Variants in SNX13 observed in about 807,000 individuals in gnomAD.
The protein encoded by SNX13 is sorting nexin 13.
In SNX13, 45 loss-of-function variants were observed where a neutral mutation model predicts 133.6. The observed-to-expected ratio is 0.34, with a 90% CI of 0.27 to 0.43. SNX13 has a LOEUF of 0.43. Ranked by LOEUF, SNX13 falls within the 20% of genes least tolerant of loss-of-function variation. SNX13 has a pLI of 1.00. For synonymous variants in SNX13, 414 were observed against 373.9 expected (o/e 1.11, Z -1.24); for missense variants, 1,032 against 1,145.1 (o/e 0.90, Z 1.43).
rs1253403274 is a variant in SNX13 at position 17,888,012 on chromosome 7, T to C, written c.440+2351A>G. The C allele has an allele frequency of 2.6e-5, 4 of 152,284 alleles. No individual in the cohort carries two copies. The East Asian group carries it at 7.7e-4, about 29-fold the overall frequency. The allele number at this position is 152,284 out of a possible 1,614,324, so 9.4% of individuals were successfully genotyped here. On this transcript the variant is annotated intron_variant, in intron 5 of 25. Coordinates refer to ENST00000428135, the MANE Select transcript of SNX13 (RefSeq NM_015132.5). ...ACAGAATAAGGCTTTCTGAAGTATA[T>C]GAATGATTGTAAACAGACTAATCTT...
At chr7:17,840,956 C>G (rs1789797523) in intron 12 of SNX13, among the ~76,000 whole-genome samples, 1 of 151,984 alleles carries the variant, frequency 6.6e-6, no homozygotes, top group African/African-American at 2.4e-5. Context: ...TCAGTCCATT[C>G]CAGCTCTTAG....
At chr7:17,835,324 C>G (rs989256193) in intron 13 of SNX13, among the ~76,000 whole-genome samples, 1 of 151,804 alleles carries the variant, frequency 6.6e-6, no homozygotes, top group Non-Finnish European at 1.5e-5. Context: ...TAAGCCATTT[C>G]ATTTATTATT....
intron 20 of SNX13, among the ~76,000 whole-genome samples, chr7:17,806,265 CCTGT>C (rs1356405267): frequency 5.3e-5 from 8 of 152,280 alleles, no homozygotes; most frequent in Middle Eastern, 3.4e-3. Flanking sequence ...AGAAAGGCTA[CCTGT>C]CTGTTACTTT....
intron 11 of SNX13, among the ~76,000 whole-genome samples, chr7:17,846,721 GA>G: frequency 6.6e-6 from 1 of 152,078 alleles, no homozygotes; most frequent in South Asian, 2.1e-4. Flanking sequence ...TGTAAGTACT[GA>G]ATAATAACAG....
chr7:17,829,878 C>T (rs1788286739), intron 16 of SNX13, 132 bp downstream of exon 16: 2 of 517,046 alleles, frequency 3.9e-6, no homozygotes, highest in East Asian at 3.4e-5. Flanking sequence ...TCTTTAAAAG[C>T]ATAATAACTT....
At chr7:17,859,634 T>C (rs145992328) in intron 9 of SNX13, among the ~76,000 whole-genome samples, 1 of 152,144 alleles carries the variant, frequency 6.6e-6, no homozygotes, top group African/African-American at 2.4e-5. Flanking sequence ...TGATCTTTTA[T>C]GTTGAAAACT....
At chr7:17,920,076 A>C (rs905179882) in intron 1 of SNX13, among the ~76,000 whole-genome samples, 1 of 152,214 alleles carries the variant, frequency 6.6e-6, no homozygotes, top group Admixed American at 6.5e-5. Flanking sequence ...GGCTTCATCT[A>C]TCTGGTGTCA....
chr7:17,857,027 A>C (rs985753981), intron 9 of SNX13, among the ~76,000 whole-genome samples: 1 of 152,060 alleles, frequency 6.6e-6, no homozygotes, highest in African/African-American at 2.4e-5. Context: ...GGCACCAAAA[A>C]AAATACAATC....
At chr7:17,805,273 G>A (rs938806588) in intron 20 of SNX13, among the ~76,000 whole-genome samples, 2 of 147,460 alleles carry the variant, frequency 1.4e-5, no homozygotes, top group Non-Finnish European at 3.0e-5. Flanking sequence ...GCGCATGCAT[G>A]CACATGTGTA....
intron 1 of SNX13, among the ~76,000 whole-genome samples, chr7:17,910,387 G>A (rs370207027): frequency 6.6e-6 from 1 of 152,068 alleles, no homozygotes; most frequent in South Asian, 2.1e-4. Context: ...CAAACAAAAC[G>A]ACTAATTTTT....
chr7:17,862,917 T>C (rs1792894148), intron 9 of SNX13, among the ~76,000 whole-genome samples: 1 of 152,090 alleles, frequency 6.6e-6, no homozygotes, highest in South Asian at 2.1e-4. Flanking sequence ...TTGAGCATAA[T>C]ATCAAGGAAA....
intron 20 of SNX13, among the ~76,000 whole-genome samples, chr7:17,811,150 T>C (rs566727370): frequency 6.6e-6 from 1 of 152,234 alleles, no homozygotes; most frequent in South Asian, 2.1e-4. Context: ...ATGTCTGGCC[T>C]GGACAATCGG....
intron 25 of SNX13, 85 bp from the exon 26 acceptor site, chr7:17,794,377 C>G (rs998147730): frequency 6.8e-7 from 1 of 1,473,264 alleles, no homozygotes. Flanking sequence ...TTAAGGTACA[C>G]AGCAGAGTAA....
rs1786502439 is a variant in SNX13 at position 17,815,008 on chromosome 7, T to C, written c.1954-64A>G. Reference sequence around the variant, plus strand: ...ACTGACAGAATGCTAGAAATTACCATTGTTTATAATTTTAGCTCATAAATT... The same window carrying C: ...ACTGACAGAATGCTAGAAATTACCACTGTTTATAATTTTAGCTCATAAATT... On this transcript the variant is annotated intron_variant, in intron 19 of 25. Coordinates refer to ENST00000428135, the MANE Select transcript of SNX13 (RefSeq NM_015132.5). 6.7e-6 allele frequency: 9 copies of C among 1,336,988 alleles called. No individual in the cohort carries two copies. In the South Asian group the frequency reaches 1.2e-4, roughly 17 times the overall value. The allele number at this position is 1,336,988 out of a possible 1,614,324, so 82.8% of individuals were successfully genotyped here.
intron 1 of SNX13, among the ~76,000 whole-genome samples, chr7:17,926,094 A>C (rs1362466300): frequency 6.6e-6 from 1 of 151,356 alleles, no homozygotes; most frequent in East Asian, 1.9e-4. Flanking sequence ...CTATAATAAC[A>C]ACAAAAATAA....
intron 5 of SNX13, 130 bp downstream of exon 5, chr7:17,890,233 A>C (rs1796480470): frequency 1.3e-6 from 1 of 780,562 alleles, no homozygotes; most frequent in Admixed American, 3.7e-5. Flanking sequence ...TCTTGGAGTT[A>C]TCCCACAGTA....
chr7:17,888,918 G>T, intron 5 of SNX13: 1 of 269,458 alleles, frequency 3.7e-6, no homozygotes, highest in South Asian at 3.4e-5. Flanking sequence ...GCAAACTCAA[G>T]TTTTCAGATT....
chr7:17,817,909 G>A (rs1786843545), intron 18 of SNX13, among the ~76,000 whole-genome samples: 2 of 152,034 alleles, frequency 1.3e-5, no homozygotes, highest in African/African-American at 2.4e-5. Flanking sequence ...TCAAATTCAT[G>A]TTGAAGCCCT....
intron 5 of SNX13, chr7:17,888,851 G>C (rs1796302639): frequency 5.1e-6 from 2 of 392,042 alleles, no homozygotes; most frequent in Non-Finnish European, 1.0e-5. Context: ...GAAAAACCAA[G>C]GTTCAGAGTT....
Sources: gnomAD v4.1 joint callset for allele counts (sites outside exome capture counted in the v4.1 genomes callset) on GRCh38, gnomAD v4.1.1 for gene constraint, MANE v1.5 for transcripts, NCBI Gene and HGNC (gene_info 2026-07-23, HGNC 2026-07-21) for gene names.